Variants in MYH15 observed in about 807,000 individuals in gnomAD.
The protein encoded by MYH15 is myosin heavy chain 15.
In MYH15, 227 loss-of-function variants were observed where a neutral mutation model predicts 240.5. The observed-to-expected ratio is 0.94, with a 90% CI of 0.85 to 1.05. MYH15 has a LOEUF of 1.05. Ranked by LOEUF, MYH15 falls within the 50% of genes least tolerant of loss-of-function variation. The pLI is 0.00. For synonymous variants in MYH15, 785 were observed against 796.7 expected (o/e 0.99, Z 0.25); for missense variants, 2,217 against 2,247.5 (o/e 0.99, Z 0.27).
At position 108,444,853 on chromosome 3, in the gene MYH15, C is replaced by T. The variant is rs373555994; in HGVS notation, c.2442G>A (p.Met814Ile). The T allele has an allele frequency of 6.8e-6, 11 of 1,613,812 alleles. No homozygotes were observed. Among genetic ancestry groups the T allele is most frequent in the Non-Finnish European group, 5.1e-6 (6 of 1,179,926 alleles). Residue 814 changes from methionine to isoleucine, a missense_variant, in exon 22 of 41, where the codon ATG becomes ATA. Physicochemically the swap from Met to Ile is conservative, Grantham distance 10. Coordinates refer to ENST00000693548, the MANE Select transcript of MYH15 (RefSeq NM_014981.3). ...ILIQWNIRAF[M>I]AVKNWPWMRL... ...TCATCCAGGGCCAGTTCTTCACAGC[C>T]ATGAAAGCTCTTATGTTCCATTGGA...
At chr3:108,476,628 G>A (rs2107590825) in intron 11 of MYH15, 113 bp from the exon 12 acceptor site, 2 of 634,172 alleles carry the variant, frequency 3.2e-6, no homozygotes, top group East Asian at 2.8e-5. Flanking sequence ...GTTTACATCA[G>A]CGTAGCAAAG....
chr3:108,524,136 C>T (rs1388453782), intron 1 of MYH15, among the ~76,000 whole-genome samples: 2 of 151,796 alleles, frequency 1.3e-5, no homozygotes, highest in Non-Finnish European at 2.9e-5. Flanking sequence ...GATTGTTTTC[C>T]AAAAAGGCAG....
intron 1 of MYH15, among the ~76,000 whole-genome samples, chr3:108,523,569 G>A (rs941879191): frequency 1.3e-5 from 2 of 151,898 alleles, no homozygotes; most frequent in Non-Finnish European, 2.9e-5. Context: ...AGTTAAACAT[G>A]TGATAAAGCT....
intron 38 of MYH15, among the ~76,000 whole-genome samples, chr3:108,387,298 C>T (rs758065411): frequency 3.3e-5 from 5 of 152,156 alleles, no homozygotes; most frequent in Non-Finnish European, 5.9e-5. Context: ...AACCAAGTAC[C>T]AGGAAATGTG....
Position 108,421,213 on chromosome 3 carries a change from G to A in MYH15, c.3704C>T (p.Ala1235Val). Residue 1235 changes from alanine to valine, a missense_variant and splice_region_variant, in exon 28 of 41, where the codon GCA becomes GTA. Transcript: ENST00000693548. ...TAGAGTACAGAGTTTCTCAGCATTT[G>A]CCTATAAGTTGAGAAAGAAGGGCTG... is the stretch of plus-strand genomic sequence containing the variant. ...TRVEQMTRAK[A>V]NAEKLCTLYE... is the part of the protein sequence containing the mutation. 6.2e-7 allele frequency: 1 copy of A among 1,611,496 alleles called. No homozygotes were observed. Among genetic ancestry groups the A allele is most frequent in the Non-Finnish European group, 8.5e-7 (1 of 1,179,674 alleles).
intron 23 of MYH15, 60 bp downstream of exon 23, chr3:108,440,958 T>C (rs951604739): frequency 6.3e-7 from 1 of 1,599,100 alleles, no homozygotes; most frequent in African/African-American, 1.3e-5. Flanking sequence ...TACCAAAACC[T>C]GATTTGAGAG....
At chr3:108,457,903 A>T (rs949807123) in intron 18 of MYH15, among the ~76,000 whole-genome samples, 2 of 152,202 alleles carry the variant, frequency 1.3e-5, no homozygotes, top group East Asian at 3.9e-4. Context: ...GCGTGGTGGT[A>T]CATGCCTGTA....
In MYH15 at chr3:108,456,849, C is replaced by T. The variant is rs775558386; in HGVS notation, c.2055G>A (p.Leu685=). ...TCCCTTCCAAGACACCATTACAGCGCAACTGCTGTAGAACCAAGTAAGGGT... is the reference window on the plus strand; with the variant it reads ...TCCCTTCCAAGACACCATTACAGCGTAACTGCTGTAGAACCAAGTAAGGGT... ...ILDPYLVLQQ[L]RCNGVLEGTR... is the part of the protein sequence containing the mutation. The change falls in exon 19 of 41, where the codon TTG becomes TTA. Residue 685 remains leucine (L), a synonymous_variant. Transcript: ENST00000693548. 1.9e-6 allele frequency: 3 copies of T among 1,612,976 alleles called. No homozygotes were observed. The highest frequency in any genetic ancestry group is 2.2e-5 in the South Asian group (2 of 90,996).
At chr3:108,473,451 A>C (rs2083194406) in intron 12 of MYH15, among the ~76,000 whole-genome samples, 1 of 152,186 alleles carries the variant, frequency 6.6e-6, no homozygotes, top group Non-Finnish European at 1.5e-5. Context: ...GTATCCAATA[A>C]ATGTTAATCC....
At position 108,524,049 on chromosome 3, in the gene MYH15, T is replaced by C. The variant is rs200228628; in HGVS notation, c.-58+5214A>G. On this transcript the variant is annotated intron_variant, in intron 1 of 41. Coordinates refer to the MYH15 transcript ENST00000273353. ...GTGTGTCATTACTCATGATTTTATT[T>C]ATTTGAGAAAGTGTCCTAGGAGTGG... Among the ~76,000 whole-genome samples the C allele has an allele frequency of 3.9e-5, 6 of 152,038 alleles. No individual in the cohort carries two copies. The East Asian group carries it at 1.2e-3, about 29-fold the overall frequency.
At chr3:108,457,682 A>G (rs1049041051) in intron 18 of MYH15, among the ~76,000 whole-genome samples, 2 of 152,198 alleles carry the variant, frequency 1.3e-5, no homozygotes, top group African/African-American at 4.8e-5. Flanking sequence ...AACTTAAATC[A>G]TATACCCATA....
intron 14 of MYH15, among the ~76,000 whole-genome samples, chr3:108,467,919 C>T (rs990998136): frequency 2.0e-5 from 3 of 151,234 alleles, no homozygotes; most frequent in African/African-American, 7.3e-5. Context: ...ACCAAATTAA[C>T]AATTAAAGTT....
rs1576227505 is a variant in MYH15, at chr3:108,428,577, T to C, written c.3617A>G (p.Lys1206Arg). 1 of 1,614,088 alleles carries C rather than the reference T, an allele frequency of 6.2e-7. No homozygotes were observed. The highest frequency in any genetic ancestry group is 8.5e-7 in the Non-Finnish European group (1 of 1,180,026). The change falls in exon 27 of 41, where the codon AAG becomes AGG. Residue 1206 changes from lysine to arginine, a missense_variant. Coordinates refer to ENST00000693548, the MANE Select transcript of MYH15 (RefSeq NM_014981.3). The part of the protein sequence containing the change: ...EGQVENLQQV[K>R]QKLEKDKSDL... ...ACTCTTGTCTTTTTCCAGTTTCTGC[T>C]TGACCTGCTGTAGATTTTCTACCTG... is the stretch of plus-strand genomic sequence containing the variant.
At chr3:108,389,669 T>A (rs1002894053) in intron 37 of MYH15, among the ~76,000 whole-genome samples, 21 of 152,158 alleles carry the variant, frequency 1.4e-4, no homozygotes, top group Non-Finnish European at 2.4e-4. Context: ...TGAATTAGCA[T>A]ACGTTCTAAT....
At position 108,405,369 on chromosome 3, in the gene MYH15, A is replaced by G; in HGVS notation, c.4705T>C (p.Ser1569Pro). 6.6e-7 allele frequency: 1 copy of G among 1,512,260 alleles called. No homozygotes were observed. Among genetic ancestry groups the G allele is most frequent in the Non-Finnish European group, 9.0e-7 (1 of 1,115,726 alleles). 93.7% of individuals were successfully genotyped at this position (1,512,260 alleles called of 1,614,324 possible). Reference protein sequence around the residue: ...EAKAELERKLSEKDEEIENFR... With the variant: ...EAKAELERKLPEKDEEIENFR... ...TTTTCTATTTCTTCATCTTTCTCTG[A>G]AAGCTTTCTTTCAAGTTCTGCTTTA... Residue 1569 changes from serine to proline, a missense_variant, in exon 33 of 41, where the codon TCA (serine) becomes CCA (proline). Physicochemically the swap from Ser to Pro is moderately conservative, Grantham distance 74 (BLOSUM62 -1). Coordinates refer to ENST00000693548, the MANE Select transcript of MYH15 (RefSeq NM_014981.3).
intron 13 of MYH15, 119 bp downstream of exon 13, chr3:108,470,579 G>T: frequency 1.1e-6 from 1 of 896,940 alleles, no homozygotes; most frequent in Non-Finnish European, 1.6e-6. Context: ...AAACAAGGTA[G>T]CCCTTAAGGT....
chr3:108,396,407 T>C (rs1038409286), intron 35 of MYH15, among the ~76,000 whole-genome samples: 1 of 152,204 alleles, frequency 6.6e-6, no homozygotes, highest in Admixed American at 6.5e-5. Context: ...TAGATTCTCC[T>C]AAGGAGCATG....
At chr3:108,481,605 C>G (rs1181341123) in intron 11 of MYH15, among the ~76,000 whole-genome samples, 2 of 151,932 alleles carry the variant, frequency 1.3e-5, no homozygotes, top group East Asian at 1.9e-4. Flanking sequence ...AAGTTCCAGG[C>G]AGAAAGAAGA....
chr3:108,412,353 G>A (rs1018084088), intron 30 of MYH15, among the ~76,000 whole-genome samples: 5 of 152,194 alleles, frequency 3.3e-5, no homozygotes, highest in South Asian at 2.1e-4. Flanking sequence ...CTGCCACCAT[G>A]TGAAGAAGGA....
Sources: allele counts gnomAD v4.1 joint callset (sites outside exome capture counted in the v4.1 genomes callset), GRCh38; gene constraint gnomAD v4.1.1; transcripts MANE v1.5; gene names NCBI Gene and HGNC (gene_info 2026-07-23, HGNC 2026-07-21).